Variants in PRKCE observed in about 807,000 individuals in gnomAD.
PRKCE encodes the protein protein kinase C epsilon type.
A neutral mutation model predicts 85.4 loss-of-function variants in PRKCE; 16 were observed. The ratio of observed to expected loss-of-function variants is 0.19; its 90% confidence interval spans 0.13 to 0.28. The LOEUF is 0.28. Among genes scored for constraint, PRKCE ranks in the 10% least tolerant of loss-of-function variants. The pLI is 1.00. For synonymous variants in PRKCE, 388 were observed against 371.5 expected, an observed-to-expected ratio of 1.04 and a Z score of -0.51; for missense variants, 573 against 975.2, an observed-to-expected ratio of 0.59 and a Z score of 5.49.
At chr2:45,971,937 T>C (rs1348285378) in intron 2 of PRKCE, among the ~76,000 whole-genome samples, 1 of 152,208 alleles carries the variant, frequency 6.6e-6, no homozygotes, top group Non-Finnish European at 1.5e-5. Flanking sequence ...TGCAGATGCA[T>C]GAGGACTCTT....
At chr2:46,027,028 G>A (rs905549599) in intron 10 of PRKCE, among the ~76,000 whole-genome samples, 3 of 152,094 alleles carry the variant, frequency 2.0e-5, no homozygotes, top group African/African-American at 7.2e-5. Flanking sequence ...AATTAGCCTG[G>A]CACGGTGATG....
At chr2:45,951,893 C>A (rs1358999885) in intron 2 of PRKCE, among the ~76,000 whole-genome samples, 2 of 152,190 alleles carry the variant, frequency 1.3e-5, no homozygotes, top group Admixed American at 1.3e-4. Context: ...AGCACAGGGG[C>A]GCCATCTTGG....
At chr2:45,943,652 TGAG>T (rs955636828) in intron 2 of PRKCE, among the ~76,000 whole-genome samples, 2 of 152,284 alleles carry the variant, frequency 1.3e-5, no homozygotes, top group Admixed American at 6.5e-5. Context: ...CAGAGGCCTT[TGAG>T]GAGGACACAG....
intron 1 of PRKCE, among the ~76,000 whole-genome samples, chr2:45,768,064 C>T (rs1416424050): frequency 1.3e-5 from 2 of 152,138 alleles, no homozygotes; most frequent in Non-Finnish European, 2.9e-5. Context: ...AATTGTTGGC[C>T]AGGGTTCATG....
intron 1 of PRKCE, among the ~76,000 whole-genome samples, chr2:45,817,066 AGTGTGTGTGT>A (rs200785601): frequency 0.019 from 2,551 of 135,866 alleles, 76 homozygotes; most frequent in African/African-American, 0.066. Context: ...CTGTAAGTAG[AGTGTGTGTGT>A]GTGTGTGTGT....
At chr2:45,784,704 CTTTGA>C (rs2105033077) in intron 1 of PRKCE, among the ~76,000 whole-genome samples, 1 of 152,090 alleles carries the variant, frequency 6.6e-6, no homozygotes, top group African/African-American at 2.4e-5. Flanking sequence ...ATGAGCAGAA[CTTTGA>C]TTTAACAGTG....
chr2:46,052,678 C>A (rs1277977704), intron 10 of PRKCE, among the ~76,000 whole-genome samples: 1 of 152,166 alleles, frequency 6.6e-6, no homozygotes, highest in East Asian at 1.9e-4. Flanking sequence ...ATAAGATATG[C>A]AAAGGGCTCA....
chr2:45,987,840 G>T (rs1703461585), intron 6 of PRKCE, among the ~76,000 whole-genome samples: 2 of 152,210 alleles, frequency 1.3e-5, no homozygotes, highest in South Asian at 4.1e-4. Flanking sequence ...CCTCCTTAAG[G>T]CTTCTTGGCC....
At chr2:45,990,682 T>A (rs1166841360) in intron 6 of PRKCE, among the ~76,000 whole-genome samples, 1 of 150,778 alleles carries the variant, frequency 6.6e-6, no homozygotes, top group Non-Finnish European at 1.5e-5. Context: ...TGAGATGGAG[T>A]CTCGCTCTGT....
At chr2:45,927,247 G>T (rs1698703894) in intron 2 of PRKCE, among the ~76,000 whole-genome samples, 1 of 152,172 alleles carries the variant, frequency 6.6e-6, no homozygotes, top group Non-Finnish European at 1.5e-5. Flanking sequence ...AAATTGTAAA[G>T]ATATAATTTG....
rs999984247 is a variant in PRKCE, at chr2:46,159,483, T to C, written c.1921-123T>C. 2.9e-6 allele frequency: 3 copies of C among 1,033,174 alleles called. No homozygotes were observed. The highest frequency in any genetic ancestry group is 1.6e-5 in the African/African-American group (1 of 61,372). 64.0% of individuals were successfully genotyped at this position (1,033,174 alleles called of 1,614,324 possible). A position where few individuals can be genotyped will look rare whatever the true frequency, so the allele number is the denominator to read the frequency against. On this transcript the variant is annotated intron_variant, in intron 13 of 14. Coordinates refer to ENST00000306156, the MANE Select transcript of PRKCE (RefSeq NM_005400.3). The surrounding 1 kb of genome is among the most constrained non-coding windows in gnomAD (Gnocchi z 4.1). ...ACCCAACAGATGTGGCCCTTGAAAGTGCAAAGAACAGACTTGGGAGGCGAT... is the reference window on the plus strand; with the variant it reads ...ACCCAACAGATGTGGCCCTTGAAAGCGCAAAGAACAGACTTGGGAGGCGAT...
chr2:45,721,159 G>A (rs1680589207), intron 1 of PRKCE, among the ~76,000 whole-genome samples: 1 of 152,028 alleles, frequency 6.6e-6, no homozygotes, highest in South Asian at 2.1e-4. Context: ...GGAAGAGCAG[G>A]TAATTGCCTG....
At chr2:45,864,590 T>C (rs1693433197) in intron 2 of PRKCE, among the ~76,000 whole-genome samples, 1 of 152,182 alleles carries the variant, frequency 6.6e-6, no homozygotes, top group Admixed American at 6.5e-5. Flanking sequence ...TTTATGAACA[T>C]CGGTTATTGG....
intron 1 of PRKCE, among the ~76,000 whole-genome samples, chr2:45,803,957 C>A (rs898148788): frequency 3.9e-5 from 6 of 152,186 alleles, no homozygotes; most frequent in African/African-American, 1.4e-4. Context: ...CGGTCCTTAT[C>A]CCTGCCCCAT....
intron 10 of PRKCE, among the ~76,000 whole-genome samples, chr2:46,079,442 TC>T (rs774134795): frequency 2.2e-4 from 33 of 152,058 alleles, no homozygotes; most frequent in Non-Finnish European, 4.3e-4. Flanking sequence ...ATCTTCTATA[TC>T]CCCCAGCCAC....
chr2:46,097,412 C>T (rs576546673), intron 11 of PRKCE, among the ~76,000 whole-genome samples: 28 of 151,322 alleles, frequency 1.9e-4, no homozygotes, highest in Middle Eastern at 3.4e-3. Context: ...CCCAGCTACT[C>T]GGGAGGCTGA....
chr2:45,760,708 G>A (rs1323712164), intron 1 of PRKCE, among the ~76,000 whole-genome samples: 1 of 152,196 alleles, frequency 6.6e-6, no homozygotes, highest in Non-Finnish European at 1.5e-5. Context: ...AGGCTTTGTA[G>A]TGGACATTCA....
intron 6 of PRKCE, among the ~76,000 whole-genome samples, chr2:45,994,837 A>G (rs1176461380): frequency 6.6e-6 from 1 of 152,214 alleles, no homozygotes; most frequent in Non-Finnish European, 1.5e-5. Flanking sequence ...GTAATGGTAT[A>G]TTTAGTTTTG....
At chr2:46,064,590 T>C (rs1667451045) in intron 10 of PRKCE, among the ~76,000 whole-genome samples, 1 of 152,228 alleles carries the variant, frequency 6.6e-6, no homozygotes, top group Non-Finnish European at 1.5e-5. Context: ...GAATATTATC[T>C]CCTTTGTAGA....
Sources: allele counts gnomAD v4.1 joint callset (sites outside exome capture counted in the v4.1 genomes callset), GRCh38; gene constraint gnomAD v4.1.1; non-coding constraint Gnocchi (gnomAD v3.1); transcripts MANE v1.5; gene names NCBI Gene and HGNC (gene_info 2026-07-23, HGNC 2026-07-21).